The following KHDRBS2 variants were observed in gnomAD, a reference collection of about 807,000 sequenced individuals.
The protein encoded by KHDRBS2 is KH RNA binding domain containing, signal transduction associated 2, also known as KH domain-containing, RNA-binding, signal transduction-associated protein 2.
Under a neutral mutation model 44.3 loss-of-function variants are expected in KHDRBS2, and 26 were observed. That is an observed-to-expected ratio of 0.59 (90% confidence interval 0.43 to 0.81). KHDRBS2 has a LOEUF of 0.81. Among genes scored for constraint, KHDRBS2 ranks in the 40% least tolerant of loss-of-function variants. The pLI is 0.00. For synonymous variants in KHDRBS2, 194 were observed against 151.1 expected, an observed-to-expected ratio of 1.28 and a Z score of -2.08; for missense variants, 476 against 433.1, an observed-to-expected ratio of 1.10 and a Z score of -0.88.
chr6:62,040,773 A>G (rs2127299375), intron 3 of KHDRBS2, among the ~76,000 whole-genome samples: 1 of 152,184 alleles, frequency 6.6e-6, no homozygotes, highest in South Asian at 2.1e-4. Flanking sequence ...TGCAAATGAG[A>G]AAGAAGGTAC....
chr6:61,899,732 T>TTCC (rs1803580282), intron 5 of KHDRBS2, among the ~76,000 whole-genome samples: 1 of 62,684 alleles, frequency 1.6e-5, no homozygotes, highest in Non-Finnish European at 3.1e-5. Flanking sequence ...ATTGTTTTAA[T>TTCC]GCCCCCCCCC....
chr6:61,923,854 G>T (rs1356877087), intron 4 of KHDRBS2, among the ~76,000 whole-genome samples: 1 of 152,006 alleles, frequency 6.6e-6, no homozygotes, highest in Non-Finnish European at 1.5e-5. Context: ...ATTCAAATTA[G>T]AAACAAGTTA....
At chr6:62,220,503 T>A (rs935693522) in intron 1 of KHDRBS2, among the ~76,000 whole-genome samples, 2 of 151,842 alleles carry the variant, frequency 1.3e-5, no homozygotes, top group Admixed American at 6.6e-5. Flanking sequence ...AAGTACATAG[T>A]TAAAATATAC....
intron 6 of KHDRBS2, among the ~76,000 whole-genome samples, chr6:61,857,190 G>C: frequency 6.6e-6 from 1 of 151,822 alleles, no homozygotes; most frequent in East Asian, 1.9e-4. Context: ...GTAATTTTAT[G>C]AACTACATAT....
Position 62,111,552 on chromosome 6 carries a change from A to G in KHDRBS2, c.220-63558T>C, listed in dbSNP as rs1264844356. Among the ~76,000 whole-genome samples the G allele has an allele frequency of 3.9e-5, 6 of 152,114 alleles. No individual in the cohort carries two copies. The South Asian group carries it at 1.0e-3, about 26-fold the overall frequency. On this transcript the variant is annotated intron_variant, in intron 2 of 8. Transcript: ENST00000281156. ...TCTTTGGTAAGTTAGATGATTTATT[A>G]AAGTGATTCTCAAACTCTAGTAGCA...
At chr6:61,940,772 G>A (rs1288348827) in intron 4 of KHDRBS2, among the ~76,000 whole-genome samples, 2 of 152,096 alleles carry the variant, frequency 1.3e-5, no homozygotes, top group Non-Finnish European at 2.9e-5. Context: ...AAGTGATCAT[G>A]GGCTAACATA....
chr6:61,597,497 AC>A, the KHDRBS2 span, among the ~76,000 whole-genome samples: 10 of 151,590 alleles, frequency 6.6e-5, no homozygotes, highest in Admixed American at 2.0e-4. Context: ...TCTCTTTTAG[AC>A]CCTTTATGTG....
intron 6 of KHDRBS2, among the ~76,000 whole-genome samples, chr6:61,852,994 C>T (rs1029095647): frequency 6.6e-6 from 1 of 152,146 alleles, no homozygotes; most frequent in African/African-American, 2.4e-5. Flanking sequence ...CTGTTTCCTC[C>T]ATCTTCACAC....
the KHDRBS2 span, among the ~76,000 whole-genome samples, chr6:61,659,592 C>A: frequency 1.1e-4 from 16 of 151,840 alleles, no homozygotes; most frequent in East Asian, 2.9e-3. Flanking sequence ...AAATTAATAT[C>A]CTGAACTAAA....
intron 2 of KHDRBS2, among the ~76,000 whole-genome samples, chr6:62,136,780 C>T (rs1811617976): frequency 6.6e-6 from 1 of 152,088 alleles, no homozygotes; most frequent in African/African-American, 2.4e-5. Flanking sequence ...ATTTTAAAAG[C>T]ACAGCCATTT....
intron 4 of KHDRBS2, among the ~76,000 whole-genome samples, chr6:61,971,854 A>G (rs1447077358): frequency 1.3e-5 from 2 of 152,110 alleles, no homozygotes; most frequent in Admixed American, 6.6e-5. Context: ...GCTCTCAAAT[A>G]AGTCTTTATA....
At chr6:62,052,598 TGGTGG>T (rs1384071741) in intron 2 of KHDRBS2, among the ~76,000 whole-genome samples, 16 of 2,180 alleles carry the variant, frequency 7.3e-3, no homozygotes, top group African/African-American at 0.014. Context: ...ATTTTTCCAC[TGGTGG>T]GGTGGGGGTG....
intron 6 of KHDRBS2, among the ~76,000 whole-genome samples, chr6:61,836,283 A>T (rs1192567037): frequency 6.6e-6 from 1 of 152,030 alleles, no homozygotes; most frequent in Admixed American, 6.6e-5. Context: ...CTTGTCAACC[A>T]ATGCAGGAAT....
intron 2 of KHDRBS2, among the ~76,000 whole-genome samples, chr6:62,080,609 T>C (rs1291035558): frequency 6.6e-6 from 1 of 152,144 alleles, no homozygotes; most frequent in Non-Finnish European, 1.5e-5. Flanking sequence ...ACATACTGGA[T>C]TGAAGACTTT....
intron 3 of KHDRBS2, among the ~76,000 whole-genome samples, chr6:62,025,452 C>T (rs1310377973): frequency 2.0e-5 from 3 of 151,672 alleles, no homozygotes; most frequent in East Asian, 1.9e-4. Context: ...AACTTATTTT[C>T]ATATAAAAAT....
At position 61,945,121 on chromosome 6, in the gene KHDRBS2, A is replaced by G. The variant is rs1351918899; in HGVS notation, c.483+32945T>C. On this transcript the variant is annotated intron_variant, in intron 4 of 8. Coordinates refer to ENST00000281156, the MANE Select transcript of KHDRBS2 (RefSeq NM_152688.4). ...AAAAAAAAAAAAAAAAAGTATATAT[A>G]TATATATATATATATATATATATAT... 1.0e-3 allele frequency among the ~76,000 whole-genome samples: 72 copies of G among 68,728 alleles called. 5 individuals carry two copies. Among genetic ancestry groups the G allele is most frequent in the South Asian group, 6.6e-3 (10 of 1,518 alleles). The allele number at this position is 68,728 out of a possible 152,430, so 45.1% of individuals were successfully genotyped here.
At chr6:62,238,003 T>C (rs941151324) in intron 1 of KHDRBS2, among the ~76,000 whole-genome samples, 1 of 146,448 alleles carries the variant, frequency 6.8e-6, no homozygotes, top group Non-Finnish European at 1.5e-5. Context: ...CAGTGAGCAG[T>C]GATCGCACCA....
chr6:62,167,826 T>A (rs1819027912), intron 2 of KHDRBS2, among the ~76,000 whole-genome samples: 1 of 152,166 alleles, frequency 6.6e-6, no homozygotes, highest in Non-Finnish European at 1.5e-5. Context: ...TAAGTGGCTA[T>A]ATTTGGCTTT....
At chr6:61,662,062 G>A in the KHDRBS2 span, among the ~76,000 whole-genome samples, 1 of 151,924 alleles carries the variant, frequency 6.6e-6, no homozygotes, top group South Asian at 2.1e-4. Flanking sequence ...ATAGACAAAT[G>A]GAACAGAACA....
Sources: gnomAD v4.1 joint callset for allele counts (sites outside exome capture counted in the v4.1 genomes callset) on GRCh38, gnomAD v4.1.1 for gene constraint, MANE v1.5 for transcripts, NCBI Gene and HGNC (gene_info 2026-07-23, HGNC 2026-07-21) for gene names.